Variants in LARGE1 observed in about 807,000 individuals in gnomAD.
The protein encoded by LARGE1 is LARGE xylosyl- and glucuronyltransferase 1.
In LARGE1, 43 loss-of-function variants were observed where a neutral mutation model predicts 87.6. The observed-to-expected ratio is 0.49, with a 90% confidence interval of 0.38 to 0.63. LARGE1 has a LOEUF of 0.63. LARGE1 is among the 30% of genes least tolerant of loss of function. The pLI is 0.00. For synonymous variants in LARGE1, 434 were observed against 394.6 expected, an observed-to-expected ratio of 1.10 and a Z score of -1.18; for missense variants, 802 against 1,000.2, an observed-to-expected ratio of 0.80 and a Z score of 2.67.
Position 33,337,715 on chromosome 22 carries a change from C to T in LARGE1, c.1218G>A (p.Glu406=). The T allele has an allele frequency of 6.2e-7, 1 of 1,614,162 alleles. No individual in the cohort carries two copies. Among genetic ancestry groups the T allele is most frequent in the Non-Finnish European group, 8.5e-7 (1 of 1,180,026 alleles). The change falls in exon 10 of 15, where the codon GAG becomes GAA. Residue 406 remains glutamate, a synonymous_variant. Coordinates refer to ENST00000397394, the MANE Select transcript of LARGE1 (RefSeq NM_133642.5). ...FFRNLYLTFL[E]YDGNLLRREL... Reference sequence around the variant, plus strand: ...CCCGCCTCAGAAGATTGCCGTCATACTCCAGGAAGGTCAGGTAGAGGTTGC... The same window carrying T: ...CCCGCCTCAGAAGATTGCCGTCATATTCCAGGAAGGTCAGGTAGAGGTTGC...
intron 2 of LARGE1, chr22:33,724,332 CAG>C (rs1288620827): frequency 2.6e-5 from 4 of 152,438 alleles, no homozygotes; most frequent in African/African-American, 7.2e-5. Context: ...GAGCATGAGA[CAG>C]GGGTGAAAAG....
intron 2 of LARGE1, chr22:33,723,970 G>A (rs1298240284): frequency 6.6e-6 from 1 of 152,422 alleles, no homozygotes; most frequent in African/African-American, 2.4e-5. Flanking sequence ...GAAATGGAAC[G>A]ATGCTGAACT....
chr22:33,233,337 C>G (rs930012533), intron 11 of LARGE1, among the ~76,000 whole-genome samples: 1 of 151,998 alleles, frequency 6.6e-6, no homozygotes, highest in African/African-American at 2.4e-5. Context: ...ACAATAATAG[C>G]AGGTACCACT....
chr22:33,402,007 T>C (rs367602803), intron 7 of LARGE1, among the ~76,000 whole-genome samples: 2 of 152,214 alleles, frequency 1.3e-5, no homozygotes, highest in Admixed American at 6.5e-5. Flanking sequence ...TCAAATATGC[T>C]GACTTCCAAG....
At chr22:33,346,915 C>T (rs114719872) in intron 9 of LARGE1, among the ~76,000 whole-genome samples, 2,291 of 152,218 alleles carry the variant, frequency 0.015, 55 homozygotes, top group African/African-American at 0.046. Context: ...ATTCGATTTC[C>T]TAATAAAAAG....
intron 3 of LARGE1, among the ~76,000 whole-genome samples, chr22:33,640,309 G>A (rs1283984188): frequency 6.6e-6 from 1 of 152,172 alleles, no homozygotes; most frequent in Non-Finnish European, 1.5e-5. Flanking sequence ...ACTGTAGCAG[G>A]CCAAGACTTT....
At chr22:33,788,110 G>A (rs1269583462) in intron 1 of LARGE1, among the ~76,000 whole-genome samples, 2 of 152,136 alleles carry the variant, frequency 1.3e-5, no homozygotes, top group Non-Finnish European at 2.9e-5. Context: ...ATCTTACCTT[G>A]AATTGTAATA....
chr22:33,828,569 G>A (rs906167829), intron 1 of LARGE1, among the ~76,000 whole-genome samples: 6 of 152,216 alleles, frequency 3.9e-5, no homozygotes, highest in Non-Finnish European at 7.3e-5. Context: ...GCCTAGTGAT[G>A]AAGGAGGAGT....
chr22:33,600,730 CAG>C (rs1569303241), intron 5 of LARGE1, among the ~76,000 whole-genome samples: 3 of 152,090 alleles, frequency 2.0e-5, no homozygotes, highest in Non-Finnish European at 2.9e-5. Flanking sequence ...CCAGCGTCCG[CAG>C]AGAGATGTGA....
chr22:33,309,235 C>T (rs1004781485), intron 11 of LARGE1, among the ~76,000 whole-genome samples: 5 of 151,648 alleles, frequency 3.3e-5, no homozygotes, highest in Non-Finnish European at 7.4e-5. Context: ...GGTGCGATCT[C>T]AGCTCACTGC....
chr22:33,587,681 C>G (rs573914920), intron 5 of LARGE1, among the ~76,000 whole-genome samples: 6 of 151,698 alleles, frequency 4.0e-5, no homozygotes, highest in Non-Finnish European at 8.8e-5. Flanking sequence ...TCAGAATTTT[C>G]CCCTTGATTT....
At chr22:33,488,408 G>C (rs564943267) in intron 6 of LARGE1, among the ~76,000 whole-genome samples, 2 of 152,142 alleles carry the variant, frequency 1.3e-5, no homozygotes, top group East Asian at 1.9e-4. Context: ...CAGGGCAAGA[G>C]AGTCAATTCC....
chr22:33,636,972 T>C (rs2080286672), intron 3 of LARGE1, among the ~76,000 whole-genome samples: 1 of 152,212 alleles, frequency 6.6e-6, no homozygotes, highest in Non-Finnish European at 1.5e-5. Context: ...CTGAACGTTC[T>C]ATATCTAAGG....
intron 6 of LARGE1, among the ~76,000 whole-genome samples, chr22:33,507,494 G>C (rs1021561943): frequency 1.3e-5 from 2 of 152,090 alleles, no homozygotes; most frequent in African/African-American, 4.8e-5. Flanking sequence ...GGGATACCTA[G>C]AATATTCAAA....
At chr22:33,598,702 C>T (rs772373226) in intron 5 of LARGE1, among the ~76,000 whole-genome samples, 1 of 152,198 alleles carries the variant, frequency 6.6e-6, no homozygotes, top group African/African-American at 2.4e-5. Flanking sequence ...AGGACATGAA[C>T]TTATCCTTTT....
chr22:33,480,108 GC>G (rs1437976071), intron 6 of LARGE1, among the ~76,000 whole-genome samples: 6 of 152,114 alleles, frequency 3.9e-5, no homozygotes, highest in Admixed American at 6.6e-5. Context: ...CGCTGACCCT[GC>G]CCCCCAGGAG....
rs556408797 is a variant in LARGE1, at chr22:33,488,509, A to C, written c.788-56244T>G. On this transcript the variant is annotated intron_variant, in intron 6 of 14. Transcript: ENST00000397394. ...CTGTTCTCATTTTGGGGCTGTCTTA[A>C]CAAGTACTTTCTGGGGTATTTGGAT... Among the ~76,000 whole-genome samples, 13 of 152,346 alleles carry C rather than the reference A, an allele frequency of 8.5e-5. No homozygotes were observed. The East Asian group carries it at 2.3e-3, about 27-fold the overall frequency.
chr22:33,451,924 A>G (rs1569175822), intron 6 of LARGE1, among the ~76,000 whole-genome samples: 1 of 152,054 alleles, frequency 6.6e-6, no homozygotes, highest in Non-Finnish European at 1.5e-5. Context: ...GACAACATAC[A>G]ACGTTTGGTT....
chr22:33,696,383 C>T (rs1052911198), intron 2 of LARGE1, among the ~76,000 whole-genome samples: 2 of 151,840 alleles, frequency 1.3e-5, no homozygotes, highest in African/African-American at 4.8e-5. Context: ...CTGCCTCAGC[C>T]TCCTGAGTAG....
Sources: allele counts gnomAD v4.1 joint callset (sites outside exome capture counted in the v4.1 genomes callset), GRCh38; gene constraint gnomAD v4.1.1; transcripts MANE v1.5; gene names NCBI Gene and HGNC (gene_info 2026-07-23, HGNC 2026-07-21).